C16orf96: variants seen among roughly 807,000 people sequenced by gnomAD.
C16orf96 encodes uncharacterized protein C16orf96.
In C16orf96, 108 loss-of-function variants were observed where a neutral mutation model predicts 103.6. The observed-to-expected ratio is 1.04, with a 90% CI of 0.89 to 1.22. The LOEUF is 1.22. Among genes scored for constraint, C16orf96 ranks in the 50% most tolerant of loss-of-function variants. The pLI, the probability that C16orf96 is intolerant of heterozygous loss-of-function variation, is 0.00. For missense variants in C16orf96, 1,586 were observed against 1,464.2 expected (o/e 1.08, Z -1.36); for synonymous variants, 566 against 593.5 (o/e 0.95, Z 0.67).
At chr16:4,579,197 G>T (rs796416831) in intron 6 of C16orf96, among the ~76,000 whole-genome samples, 172 bp downstream of exon 6, 57 of 18,828 alleles carry the variant, frequency 3.0e-3, no homozygotes, top group African/African-American at 3.4e-3. Flanking sequence ...CTGATTCACT[G>T]GTGCGGTGGG....
At chr16:4,544,183 G>A in the C16orf96 span, among the ~76,000 whole-genome samples, 1 of 152,200 alleles carries the variant, frequency 6.6e-6, no homozygotes, top group Non-Finnish European at 1.5e-5. Context: ...TGTACTGGGT[G>A]AAAACTTGCT....
chr16:4,599,372 C>G lies in C16orf96; in HGVS notation c.3208+8C>G. 1.3e-6 allele frequency: 2 copies of G among 1,550,298 alleles called. No homozygotes were observed. Among genetic ancestry groups the G allele is most frequent in the Non-Finnish European group, 1.7e-6 (2 of 1,145,704 alleles). ...TTGGCGCCATCTGCCCCCGTGAGTA[C>G]CTGGTTCCCAGCCCCAGCCCAGCTG... On this transcript the variant is annotated splice_region_variant and intron_variant, in intron 15 of 15. Coordinates refer to ENST00000444310, the MANE Select transcript of C16orf96 (RefSeq NM_001145011.2).
Position 4,576,309 on chromosome 16 carries a change from A to T in C16orf96, c.1829A>T (p.Asp610Val), listed in dbSNP as rs1240300383. Residue 610 changes from aspartate (D) to valine (V), a missense_variant, in exon 5 of 16, where the codon GAC becomes GTC. Coordinates refer to ENST00000444310, the MANE Select transcript of C16orf96 (RefSeq NM_001145011.2). Reference sequence around the variant, plus strand: ...ACCAAAATGGCCGCCATTGCAACAGACACGGCTGCAGCTGGGCCCCTAGGG... The same window carrying T: ...ACCAAAATGGCCGCCATTGCAACAGTCACGGCTGCAGCTGGGCCCCTAGGG... ...PATKMAAIAT[D>V]TAAAGPLGVF... 1 of 1,550,792 alleles carries T rather than the reference A, an allele frequency of 6.4e-7. No individual in the cohort carries two copies. Among genetic ancestry groups the T allele is most frequent in the South Asian group, 1.2e-5 (1 of 84,068 alleles).
rs755120382 is a variant in C16orf96, at chr16:4,575,900, C to T, written c.1420C>T (p.Arg474Cys). 47 of 1,551,456 alleles carry T rather than the reference C, an allele frequency of 3.0e-5. No individual in the cohort carries two copies. In the East Asian group the frequency reaches 6.4e-4, roughly 21 times the overall value. Residue 474 changes from arginine to cysteine, a missense_variant, in exon 5 of 16, where the codon CGC becomes TGC. Physicochemically the swap from Arg to Cys is radical, Grantham distance 180 (BLOSUM62 -3). Coordinates refer to ENST00000444310, the MANE Select transcript of C16orf96 (RefSeq NM_001145011.2). ...CCTAAGGGGCCTTCGGGAGAGGGCC[C>T]GCAAGGATGGGGCCCCCAAGGATAG... ...PSLRGLRERA[R>C]KDGAPKDRTR...
the C16orf96 span, among the ~76,000 whole-genome samples, chr16:4,543,150 C>T: frequency 1.3e-5 from 2 of 152,158 alleles, no homozygotes; most frequent in Non-Finnish European, 2.9e-5. Context: ...AGTGCCCGAA[C>T]AAGGAAGGCT....
rs1444680969 is a variant in C16orf96, at chr16:4,593,548, G to A, written c.2867+232G>A. On this transcript the variant is annotated intron_variant, in intron 12 of 15. Transcript: ENST00000444310. This position sits in a 1 kb window ranked among gnomAD's most constrained non-coding sequence, Gnocchi z 4.2. ...ACATATTTACTGCACATCTATTGTG[G>A]GCCAGGAACTGTTAGACGGTTTCTT... Among the ~76,000 whole-genome samples the A allele has an allele frequency of 1.3e-5, 2 of 151,014 alleles. No individual in the cohort carries two copies. The highest frequency in any genetic ancestry group is 4.9e-5 in the African/African-American group (2 of 41,060).
intron 13 of C16orf96, 93 bp from the exon 14 acceptor site, chr16:4,594,611 C>A: frequency 6.5e-7 from 1 of 1,534,652 alleles, no homozygotes; most frequent in Non-Finnish European, 8.8e-7. Flanking sequence ...CCAGCAGAGG[C>A]TGCACTCTGT....
At chr16:4,562,765 T>C (rs1596515333) in intron 1 of C16orf96, 1 of 895,704 alleles carries the variant, frequency 1.1e-6, no homozygotes. Context: ...AAAAGACAGA[T>C]TAAAACAACT....
chr16:4,583,241 G>A (rs1440406048), intron 7 of C16orf96, among the ~76,000 whole-genome samples: 1 of 150,466 alleles, frequency 6.6e-6, no homozygotes, highest in Admixed American at 6.7e-5. Context: ...TCCATCTTGG[G>A]AAAAATCTCA....
At position 4,575,791 on chromosome 16, in the gene C16orf96, A is replaced by G; in HGVS notation, c.1311A>G (p.Pro437=). 1.3e-6 allele frequency: 2 copies of G among 1,549,280 alleles called. No individual in the cohort carries two copies. Among genetic ancestry groups the G allele is most frequent in the Non-Finnish European group, 8.7e-7 (1 of 1,146,604 alleles). ...ATEFGSLWPR[P]LQPYQSRQGE... ...AGTTTGGCTCATTGTGGCCTCGACC[A>G]CTCCAGCCATATCAGTCTCGCCAGG... The change falls in exon 5 of 16, where the codon CCA becomes CCG. Residue 437 remains proline (P), a synonymous_variant. Transcript: ENST00000444310.
intron 1 of C16orf96, among the ~76,000 whole-genome samples, chr16:4,563,562 T>A (rs1315931383): frequency 6.6e-6 from 1 of 151,320 alleles, no homozygotes; most frequent in Non-Finnish European, 1.5e-5. Flanking sequence ...TCTGTTAACC[T>A]TTTTTTTGTT....
intron 9 of C16orf96, among the ~76,000 whole-genome samples, chr16:4,591,203 A>T (rs1170913686): frequency 2.0e-5 from 3 of 152,200 alleles, no homozygotes; most frequent in Non-Finnish European, 4.4e-5. Flanking sequence ...AAATAAATAA[A>T]ATTAAAAATA....
chr16:4,571,684 T>A lies in C16orf96; in HGVS notation c.525+19T>A. 1 of 1,544,618 alleles carries A rather than the reference T, an allele frequency of 6.5e-7. No individual in the cohort carries two copies. Among genetic ancestry groups the A allele is most frequent in the Non-Finnish European group, 8.8e-7 (1 of 1,142,002 alleles). On this transcript the variant is annotated intron_variant, in intron 2 of 15. Coordinates refer to ENST00000444310, the MANE Select transcript of C16orf96 (RefSeq NM_001145011.2). ...TGACAAGGTAGGCCCTCCCCCAGCA[T>A]CCTCCATGCCAGCTGCGTTGCTCAG...
chr16:4,579,614 AT>A (rs143473771), intron 6 of C16orf96, among the ~76,000 whole-genome samples: 110,865 of 117,614 alleles, frequency 0.94, 52,517 homozygotes, highest in East Asian at 1. Flanking sequence ...CTGATACCTT[AT>A]TTTTTTTTTT....
At chr16:4,557,626 T>A (rs2059280075) in intron 1 of C16orf96, among the ~76,000 whole-genome samples, 2 of 152,202 alleles carry the variant, frequency 1.3e-5, no homozygotes, top group Non-Finnish European at 2.9e-5. Context: ...TAAATGACAC[T>A]GAATTGTTCA....
Position 4,592,318 on chromosome 16 carries a change from C to A in C16orf96, c.2725C>A (p.Arg909Ser). The change falls in exon 11 of 16, where the codon CGC (arginine) becomes AGC (serine). Residue 909 changes from arginine to serine, a missense_variant. By Grantham distance (110) the Arg-to-Ser change is moderately radical. Transcript: ENST00000444310. ...AAGFRRKLFK[R>S]VKCISCDRPV... is the part of the protein sequence containing the mutation. The stretch of plus-strand genomic sequence containing the variant: ...TGTGCCTTTCAGGAAGCTGTTCAAG[C>A]GCGTGAAGTGCATCTCCTGTGACCG... 1 of 1,551,632 alleles carries A rather than the reference C, an allele frequency of 6.4e-7. No homozygotes were observed. Among genetic ancestry groups the A allele is most frequent in the South Asian group, 1.2e-5 (1 of 84,068 alleles).
chr16:4,571,594 C>A lies in C16orf96; in HGVS notation c.454C>A (p.Leu152Ile). ...MQTLQDLLTD[L>I]HALQVTITAL... ...GACCCTGCAGGACTTGCTCACTGATCTTCATGCACTCCAGGTCACCATCAC... is the reference window on the plus strand; with the variant it reads ...GACCCTGCAGGACTTGCTCACTGATATTCATGCACTCCAGGTCACCATCAC... The change falls in exon 2 of 16, where the codon CTT (leucine) becomes ATT (isoleucine). Residue 152 changes from leucine to isoleucine, a missense_variant. Coordinates refer to ENST00000444310, the MANE Select transcript of C16orf96 (RefSeq NM_001145011.2). The A allele has an allele frequency of 2.6e-6, 4 of 1,552,320 alleles. No individual in the cohort carries two copies. The highest frequency in any genetic ancestry group is 3.5e-6 in the Non-Finnish European group (4 of 1,147,092).
At chr16:4,573,075 A>G (rs2059456953) in intron 2 of C16orf96, among the ~76,000 whole-genome samples, 1 of 152,146 alleles carries the variant, frequency 6.6e-6, no homozygotes, top group Non-Finnish European at 1.5e-5. Context: ...ATCTAAGCAG[A>G]AAGAACGCTG....
chr16:4,574,473 T>C (rs2059476508), intron 2 of C16orf96, among the ~76,000 whole-genome samples: 1 of 151,226 alleles, frequency 6.6e-6, no homozygotes, highest in South Asian at 2.1e-4. Flanking sequence ...CCACCCACCT[T>C]GACCTCTCAA....
Sources: allele counts gnomAD v4.1 joint callset (sites outside exome capture counted in the v4.1 genomes callset), GRCh38; gene constraint gnomAD v4.1.1; non-coding constraint Gnocchi (gnomAD v3.1); transcripts MANE v1.5; gene names NCBI Gene and HGNC (gene_info 2026-07-23, HGNC 2026-07-21).